The following AFF3 variants were observed in gnomAD, a reference collection of about 807,000 sequenced individuals.
AFF3 encodes the protein AF4/FMR2 family member 3.
A neutral mutation model predicts 129.7 loss-of-function variants in AFF3; 32 were observed. The ratio of observed to expected loss-of-function variants is 0.25; its 90% CI spans 0.19 to 0.33. AFF3 has a LOEUF of 0.33. AFF3 is among the 10% of genes least tolerant of loss of function. AFF3 has a pLI of 1.00. For missense variants in AFF3, 1,373 were observed against 1,592.0 expected (o/e 0.86, Z 2.34); for synonymous variants, 644 against 635.4 (o/e 1.01, Z -0.20).
chr2:99,582,768 T>C (rs1677694998), intron 17 of AFF3, 30 bp downstream of exon 17: 1 of 1,611,460 alleles, frequency 6.2e-7, no homozygotes, highest in Non-Finnish European at 8.5e-7. Flanking sequence ...CATTTTGGTT[T>C]TAATTGGGAA....
intron 5 of AFF3, among the ~76,000 whole-genome samples, chr2:100,008,168 G>T (rs1054541726): frequency 1.3e-5 from 2 of 152,146 alleles, no homozygotes. Context: ...TTTGGCTCGG[G>T]ATTAGTCTAA....
intron 11 of AFF3, among the ~76,000 whole-genome samples, chr2:99,691,110 C>T (rs540994988): frequency 2.0e-5 from 3 of 152,094 alleles, no homozygotes; most frequent in Non-Finnish European, 2.9e-5. Flanking sequence ...CTTGTCTCCT[C>T]TTCTCCCTCA....
chr2:100,111,006 A>G lies in AFF3; in HGVS notation c.-144-5423T>C, dbSNP rs1367055880. On this transcript the variant is annotated intron_variant, in intron 2 of 24. Coordinates refer to ENST00000672756, the MANE Select transcript of AFF3 (RefSeq NM_001386135.1). ...CTAGGTCACTTTCTTCTTCCTGTCC[A>G]GAAAGGTGGAGAAGCCATCATCAAT... Among the ~76,000 whole-genome samples the G allele has an allele frequency of 2.0e-5, 3 of 152,204 alleles. No homozygotes were observed. In the East Asian group the frequency reaches 5.8e-4, roughly 29 times the overall value.
intron 1 of AFF3, among the ~76,000 whole-genome samples, chr2:100,133,517 G>A (rs1692514411): frequency 6.6e-6 from 1 of 151,944 alleles, no homozygotes; most frequent in Non-Finnish European, 1.5e-5. Flanking sequence ...TGATCATAGT[G>A]ACTTACAGCC....
intron 13 of AFF3, among the ~76,000 whole-genome samples, chr2:99,606,645 C>A (rs962580800): frequency 6.6e-6 from 1 of 151,946 alleles, no homozygotes; most frequent in Non-Finnish European, 1.5e-5. Context: ...AGGACGGGCG[C>A]GGTGGCTCAC....
Position 100,094,475 on chromosome 2 carries a change from G to A in AFF3, c.53+9927C>T, listed in dbSNP as rs560324579. ...AATATAATGCCAGTGCTAATCTGACGGGAGGCGGAGATCAGGCAGTAATGT... is the reference window on the plus strand; with the variant it reads ...AATATAATGCCAGTGCTAATCTGACAGGAGGCGGAGATCAGGCAGTAATGT... On this transcript the variant is annotated intron_variant, in intron 4 of 24. Coordinates refer to ENST00000672756, the MANE Select transcript of AFF3 (RefSeq NM_001386135.1). Among the ~76,000 whole-genome samples the A allele has an allele frequency of 8.5e-5, 13 of 152,152 alleles. No homozygotes were observed. The East Asian group carries it at 1.7e-3, about 20-fold the overall frequency.
chr2:99,630,920 TAGA>T (rs1402097662), intron 13 of AFF3: 6 of 375,718 alleles, frequency 1.6e-5, no homozygotes, highest in Non-Finnish European at 2.8e-5. Flanking sequence ...GCTCACCTTG[TAGA>T]AGAAGTGACG....
At chr2:99,557,852 T>C (rs1009009024) in intron 22 of AFF3, among the ~76,000 whole-genome samples, 5 of 152,142 alleles carry the variant, frequency 3.3e-5, no homozygotes, top group African/African-American at 1.2e-4. Context: ...CATGAACAGA[T>C]CTCAAATGAT....
chr2:99,604,250 A>G (rs1028301270), intron 13 of AFF3, among the ~76,000 whole-genome samples: 2 of 152,244 alleles, frequency 1.3e-5, no homozygotes, highest in Non-Finnish European at 2.9e-5. Flanking sequence ...AGACTGGATA[A>G]AGAAAATGTG....
intron 7 of AFF3, among the ~76,000 whole-genome samples, chr2:99,987,244 G>A (rs147871645): frequency 1.5e-3 from 233 of 152,282 alleles, no homozygotes; most frequent in Middle Eastern, 3.4e-3. Flanking sequence ...ACAGGGGTAC[G>A]GAGAACTTTA....
At chr2:99,814,957 C>T (rs1013355094) in intron 8 of AFF3, among the ~76,000 whole-genome samples, 1 of 151,122 alleles carries the variant, frequency 6.6e-6, no homozygotes, top group Non-Finnish European at 1.5e-5. Context: ...TCAAGTGATT[C>T]TCATGCCTTA....
intron 11 of AFF3, among the ~76,000 whole-genome samples, chr2:99,691,713 G>C (rs1363892261): frequency 6.6e-6 from 1 of 152,160 alleles, no homozygotes; most frequent in Non-Finnish European, 1.5e-5. Flanking sequence ...TTGCAAAAAT[G>C]CAAGTGTCAC....
chr2:100,049,209 C>T (rs1686081601), intron 4 of AFF3, among the ~76,000 whole-genome samples: 2 of 152,160 alleles, frequency 1.3e-5, no homozygotes, highest in African/African-American at 4.8e-5. Flanking sequence ...TTCATGTGAC[C>T]ATACATCCCA....
chr2:100,052,318 T>A (rs548987107), intron 4 of AFF3, among the ~76,000 whole-genome samples: 1 of 152,292 alleles, frequency 6.6e-6, no homozygotes, highest in African/African-American at 2.4e-5. Context: ...AAAACTTACA[T>A]TGGGAAGTTA....
At chr2:100,121,934 C>T (rs1316982445) in intron 2 of AFF3, among the ~76,000 whole-genome samples, 25 of 151,944 alleles carry the variant, frequency 1.6e-4, no homozygotes, top group Non-Finnish European at 3.1e-4. Flanking sequence ...CGGTGGCGGG[C>T]GCCTGTAGTC....
chr2:100,038,631 C>G (rs1326088482), intron 4 of AFF3, among the ~76,000 whole-genome samples: 1 of 152,070 alleles, frequency 6.6e-6, no homozygotes, highest in African/African-American at 2.4e-5. Flanking sequence ...CACATACATG[C>G]ACAAAAAGTC....
At chr2:99,942,262 A>G (rs1345094624) in intron 7 of AFF3, among the ~76,000 whole-genome samples, 1 of 152,208 alleles carries the variant, frequency 6.6e-6, no homozygotes, top group Non-Finnish European at 1.5e-5. Context: ...AGATGCATGC[A>G]GTGCATCCAT....
rs1339945271 is a variant in AFF3, at chr2:99,718,933, G to A, written c.1091+8144C>T. 2.0e-5 allele frequency among the ~76,000 whole-genome samples: 3 copies of A among 151,662 alleles called. No individual in the cohort carries two copies. The East Asian group carries it at 5.8e-4, about 30-fold the overall frequency. On this transcript the variant is annotated intron_variant, in intron 11 of 24. Transcript: ENST00000672756. The stretch of plus-strand genomic sequence containing the variant: ...GCCCGGCTAATTTTTTGTATTTTTA[G>A]TAGAGACGGGTTTTCACCGTGTTAA...
At chr2:99,570,499 G>T (rs1359664161) in intron 18 of AFF3, among the ~76,000 whole-genome samples, 1 of 152,050 alleles carries the variant, frequency 6.6e-6, no homozygotes, top group Non-Finnish European at 1.5e-5. Context: ...ACTATGCCTG[G>T]CTAACTTTTT....
Sources: gnomAD v4.1 joint callset for allele counts (sites outside exome capture counted in the v4.1 genomes callset) on GRCh38, gnomAD v4.1.1 for gene constraint, MANE v1.5 for transcripts, NCBI Gene and HGNC (gene_info 2026-07-23, HGNC 2026-07-21) for gene names.